EDRF1: variants seen among roughly 807,000 people sequenced by gnomAD.
EDRF1 encodes the protein erythroid differentiation-related factor 1.
In EDRF1, 69 loss-of-function variants were observed where a neutral mutation model predicts 148.7. That is an observed-to-expected ratio of 0.46 (90% CI 0.38 to 0.57). The LOEUF (loss-of-function observed/expected upper bound fraction) is 0.57. Ranked by LOEUF, EDRF1 falls within the 20% of genes least tolerant of loss-of-function variation. The pLI, the probability that EDRF1 is intolerant of heterozygous loss-of-function variation, is 0.00. For synonymous variants in EDRF1, 515 were observed against 532.8 expected, an observed-to-expected ratio of 0.97 and a Z score of 0.46; for missense variants, 1,118 against 1,478.7, an observed-to-expected ratio of 0.76 and a Z score of 4.00.
intron 15 of EDRF1, 110 bp from the exon 16 acceptor site, chr10:125,740,353 T>G: frequency 8.9e-7 from 1 of 1,119,174 alleles, no homozygotes. Flanking sequence ...TTTACCAGTC[T>G]TGTCACCTAA....
In EDRF1 at chr10:125,763,300, G is replaced by GC; in HGVS notation, c.3546dup (p.Asn1183GlnfsTer2). 1 of 1,611,758 alleles carries GC rather than the reference G, an allele frequency of 6.2e-7. No homozygotes were observed. Among genetic ancestry groups the GC allele is most frequent in the South Asian group, 1.1e-5 (1 of 91,080 alleles). ...TGTCTCTTTTTCTTTTTTAACCCTA[G>GC]CAATAACATCGAAGATGACACAATT... On this transcript the variant is annotated frameshift_variant and splice_region_variant. Coordinates refer to ENST00000356792, the MANE Select transcript of EDRF1 (RefSeq NM_001202438.2). LOFTEE classifies it high-confidence loss of function. This position sits in a 1 kb window ranked among gnomAD's most constrained non-coding sequence, Gnocchi z 4.3.
intron 6 of EDRF1, among the ~76,000 whole-genome samples, chr10:125,726,551 A>G (rs1848264166): frequency 6.6e-6 from 1 of 152,226 alleles, no homozygotes; most frequent in Non-Finnish European, 1.5e-5. Context: ...ATAAATAGAT[A>G]ATAAGATCTG....
chr10:125,750,763 C>G (rs1284419585), intron 22 of EDRF1, among the ~76,000 whole-genome samples: 1 of 152,136 alleles, frequency 6.6e-6, no homozygotes, highest in East Asian at 1.9e-4. Context: ...TTTACTAAAA[C>G]TAATTTTTTG....
At chr10:125,738,029 G>A in intron 14 of EDRF1, 40 bp downstream of exon 14, 2 of 1,573,150 alleles carry the variant, frequency 1.3e-6, no homozygotes, top group Non-Finnish European at 1.7e-6. Context: ...CGTAAAGTTT[G>A]TACTTGATTA....
rs542583220 is a variant in EDRF1 at position 125,738,087 on chromosome 10, G to A, written c.1830+98G>A. On this transcript the variant is annotated intron_variant, in intron 14 of 24. Coordinates refer to ENST00000356792, the MANE Select transcript of EDRF1 (RefSeq NM_001202438.2). ...GTATCTAAATGTTATTCTGAATTGTGTTCTGCTGCGATTTTTTTTTCCTTA... is the reference window on the plus strand; with the variant it reads ...GTATCTAAATGTTATTCTGAATTGTATTCTGCTGCGATTTTTTTTTCCTTA... The A allele has an allele frequency of 4.3e-6, 6 of 1,388,378 alleles. No individual in the cohort carries two copies. In the Admixed American group the frequency reaches 8.5e-5, roughly 20 times the overall value. The allele number at this position is 1,388,378 out of a possible 1,614,324, so 86.0% of individuals were successfully genotyped here.
chr10:125,737,932 T>C lies in EDRF1; in HGVS notation c.1773T>C (p.Phe591=), dbSNP rs2133708918. 1.9e-6 allele frequency: 3 copies of C among 1,614,010 alleles called. No individual in the cohort carries two copies. The East Asian group carries it at 6.7e-5, about 36-fold the overall frequency. ...TGTTCCTCAAGCCCAGTTGTGCATT[T>C]CCAGTTTGCCATGACACAGAAGAGC... ...SIHQIRPSCA[F]PVCHDTEERC... Residue 591 remains phenylalanine (F), a synonymous_variant, in exon 14 of 25, where the codon TTT becomes TTC. Coordinates refer to ENST00000356792, the MANE Select transcript of EDRF1 (RefSeq NM_001202438.2).
chr10:125,726,737 A>C (rs1428718098), intron 6 of EDRF1, among the ~76,000 whole-genome samples: 4 of 152,230 alleles, frequency 2.6e-5, no homozygotes, highest in Non-Finnish European at 5.9e-5. Context: ...ATGAATTTAA[A>C]TTTCTTTCAA....
At chr10:125,758,687 C>T (rs1310717684) in intron 24 of EDRF1, among the ~76,000 whole-genome samples, 1 of 152,136 alleles carries the variant, frequency 6.6e-6, no homozygotes, top group Non-Finnish European at 1.5e-5. Context: ...CTAGGTCTTT[C>T]TTTTGTTTTG....
chr10:125,719,762 C>T lies in EDRF1; in HGVS notation c.-46C>T, dbSNP rs777338848. On this transcript the variant is annotated 5_prime_UTR_variant, in exon 1 of 25. Coordinates refer to ENST00000356792, the MANE Select transcript of EDRF1 (RefSeq NM_001202438.2). ...CTGCTTTGGGCCTGCGTTGCTGCTGCTGCTCCTCCGCTCCCCCGTCGTATC... is the reference window on the plus strand; with the variant it reads ...CTGCTTTGGGCCTGCGTTGCTGCTGTTGCTCCTCCGCTCCCCCGTCGTATC... 6 of 1,514,808 alleles carry T rather than the reference C, an allele frequency of 4.0e-6. No homozygotes were observed. The highest frequency in any genetic ancestry group is 2.8e-5 in the African/African-American group (2 of 72,718). The allele number at this position is 1,514,808 out of a possible 1,614,324, so 93.8% of individuals were successfully genotyped here. A position where few individuals can be genotyped will look rare whatever the true frequency, so the allele number is the denominator to read the frequency against.
At chr10:125,745,281 A>C (rs904420844) in intron 18 of EDRF1, 1 of 200,772 alleles carries the variant, frequency 5.0e-6, no homozygotes, top group African/African-American at 2.3e-5. Context: ...TGGCAGCAGC[A>C]TTGGATTCCT....
At chr10:125,753,894 A>G (rs907958382) in intron 24 of EDRF1, 49 bp downstream of exon 24, 2 of 1,601,582 alleles carry the variant, frequency 1.2e-6, no homozygotes, top group Non-Finnish European at 1.7e-6. Context: ...CACCCTACCT[A>G]TAAAAATTTT....
At position 125,727,236 on chromosome 10, in the gene EDRF1, A is replaced by G. The variant is rs146009895; in HGVS notation, c.792+1398A>G. 1.3e-4 allele frequency among the ~76,000 whole-genome samples: 20 copies of G among 152,314 alleles called. 2 individuals carry two copies. The highest frequency in any genetic ancestry group is 1.2e-3 in the Admixed American group (19 of 15,302). The stretch of plus-strand genomic sequence containing the variant: ...CCACACACAGCAAGGCCCTACTAAC[A>G]GTCAGATCATCGTAGTAGTGGTGTA... On this transcript the variant is annotated intron_variant, in intron 6 of 24. Coordinates refer to ENST00000356792, the MANE Select transcript of EDRF1 (RefSeq NM_001202438.2).
At chr10:125,732,737 T>G (rs886246466) in intron 9 of EDRF1, among the ~76,000 whole-genome samples, 17 of 152,206 alleles carry the variant, frequency 1.1e-4, no homozygotes, top group African/African-American at 4.1e-4. Flanking sequence ...GATTTGAAGT[T>G]TCCAGTTTTA....
rs1443408904 is a variant in EDRF1 at position 125,763,482 on chromosome 10, G to A, written c.*10G>A. ...CAATGCCGTTCAGTGACTGCACAGA[G>A]CCGTGTCCCAGACACGCTGTCAGTG... On this transcript the variant is annotated 3_prime_UTR_variant, in exon 25 of 25. Coordinates refer to ENST00000356792, the MANE Select transcript of EDRF1 (RefSeq NM_001202438.2). This position sits in a 1 kb window ranked among gnomAD's most constrained non-coding sequence, Gnocchi z 4.3. The A allele has an allele frequency of 6.2e-6, 10 of 1,604,506 alleles. No homozygotes were observed. The highest frequency in any genetic ancestry group is 1.1e-5 in the South Asian group (1 of 91,044).
Position 125,719,833 on chromosome 10 carries a change from C to T in EDRF1, c.26C>T (p.Ala9Val). 1.2e-6 allele frequency: 2 copies of T among 1,611,900 alleles called. No homozygotes were observed. The highest frequency in any genetic ancestry group is 1.1e-5 in the South Asian group (1 of 90,942). Residue 9 changes from alanine to valine, a missense_variant, in exon 1 of 25, where the codon GCC becomes GTC. Coordinates refer to ENST00000356792, the MANE Select transcript of EDRF1 (RefSeq NM_001202438.2). ...ATGGGGGATGCCAAGGAGGCCGGAG[C>T]CGAGGGTCCGCCGGCCGGGGCCGCC... MGDAKEAG[A>V]EGPPAGAAAR...
chr10:125,755,224 T>A (rs181341945), intron 24 of EDRF1, among the ~76,000 whole-genome samples: 9 of 152,360 alleles, frequency 5.9e-5, no homozygotes, highest in Admixed American at 5.9e-4. Context: ...GATATTGAAT[T>A]TGTGTCCAGT....
intron 21 of EDRF1, chr10:125,749,102 C>A: frequency 8.1e-6 from 3 of 370,280 alleles, no homozygotes; most frequent in Non-Finnish European, 5.1e-6. Flanking sequence ...AAAAATTAGC[C>A]AAGCAGTAGT....
Position 125,725,665 on chromosome 10 carries a change from A to G in EDRF1, c.636-17A>G, listed in dbSNP as rs781750326. 9.9e-6 allele frequency: 16 copies of G among 1,613,830 alleles called. No homozygotes were observed. The highest frequency in any genetic ancestry group is 1.7e-5 in the Admixed American group (1 of 59,980). ...ACTTTAGTAACAGCAATCCTTTTTT[A>G]TTTCTGGTTTGGCCAGTATCAATGG... On this transcript the variant is annotated splice_polypyrimidine_tract_variant and intron_variant, in intron 5 of 24. Coordinates refer to ENST00000356792, the MANE Select transcript of EDRF1 (RefSeq NM_001202438.2).
chr10:125,719,916 G>C lies in EDRF1; in HGVS notation c.108+1G>C. On this transcript the variant is annotated splice_donor_variant, in intron 1 of 24. Coordinates refer to ENST00000356792, the MANE Select transcript of EDRF1 (RefSeq NM_001202438.2). LOFTEE classifies it high-confidence loss of function. ...AGAATCCGAGGAATCTTCTGCACAG[G>C]TGAGTCCTCCGCGGAGGGGGACCTG... 1 of 1,612,220 alleles carries C rather than the reference G, an allele frequency of 6.2e-7. No homozygotes were observed. Among genetic ancestry groups the C allele is most frequent in the Admixed American group, 1.7e-5 (1 of 59,966 alleles).
Sources: gnomAD v4.1 joint callset for allele counts (sites outside exome capture counted in the v4.1 genomes callset) on GRCh38, gnomAD v4.1.1 for gene constraint, Gnocchi (gnomAD v3.1) non-coding constraint, MANE v1.5 for transcripts, NCBI Gene and HGNC (gene_info 2026-07-23, HGNC 2026-07-21) for gene names.